CAMTA1: variants seen among roughly 807,000 people sequenced by gnomAD.
CAMTA1 encodes the protein calmodulin-binding transcription activator 1.
CAMTA1 carries 27 observed loss-of-function variants against 170.9 expected under a neutral mutation model. The ratio of observed to expected loss-of-function variants is 0.16; its 90% CI spans 0.12 to 0.22. The LOEUF is 0.22. Ranked by LOEUF, CAMTA1 falls within the 10% of genes least tolerant of loss-of-function variation. CAMTA1 has a pLI of 1.00. For synonymous variants in CAMTA1, 833 were observed against 891.5 expected, an observed-to-expected ratio of 0.93 and a Z score of 1.17; for missense variants, 1,619 against 2,217.2, an observed-to-expected ratio of 0.73 and a Z score of 5.42.
At chr1:7,210,855 A>G (rs1190592831) in intron 4 of CAMTA1, among the ~76,000 whole-genome samples, 1 of 152,194 alleles carries the variant, frequency 6.6e-6, no homozygotes, top group Non-Finnish European at 1.5e-5. Context: ...ATTAGGTTAT[A>G]TATTTGTCCA....
At chr1:7,594,086 A>G (rs922971515) in intron 6 of CAMTA1, among the ~76,000 whole-genome samples, 11 of 149,984 alleles carry the variant, frequency 7.3e-5, no homozygotes, top group African/African-American at 2.2e-4. Flanking sequence ...GGACAGAGAG[A>G]GAGAGAGAGG....
Position 7,681,922 on chromosome 1 carries a change from C to G in CAMTA1, c.2914+4189C>G, listed in dbSNP as rs1477313598. Among the ~76,000 whole-genome samples the G allele has an allele frequency of 6.6e-6, 1 of 152,164 alleles. No homozygotes were observed. The highest frequency in any genetic ancestry group is 1.5e-5 in the Non-Finnish European group (1 of 68,040). ...AGGTGAGCGGAATTTTTGTGTGCCT[C>G]TTTCTTGTCTTACAGCATCTGATTC... On this transcript the variant is annotated intron_variant, in intron 11 of 22. Transcript: ENST00000303635. The surrounding 1 kb of genome is among the most constrained non-coding windows in gnomAD (Gnocchi z 4.6).
intron 4 of CAMTA1, among the ~76,000 whole-genome samples, chr1:7,098,309 G>C (rs913696753): frequency 2.2e-4 from 33 of 152,258 alleles, no homozygotes; most frequent in Non-Finnish European, 3.2e-4. Flanking sequence ...ACTGAACCGG[G>C]AACGCACTTC....
intron 4 of CAMTA1, among the ~76,000 whole-genome samples, chr1:7,246,559 A>G (rs978898610): frequency 6.6e-6 from 1 of 151,840 alleles, no homozygotes; most frequent in African/African-American, 2.4e-5. Context: ...GAAGTGTGTT[A>G]AAGCCCTCCC....
chr1:7,708,495 CA>C (rs1034744435), intron 11 of CAMTA1, among the ~76,000 whole-genome samples: 1 of 151,588 alleles, frequency 6.6e-6, no homozygotes, highest in African/African-American at 2.4e-5. Flanking sequence ...GACCCTGATT[CA>C]AAAAAAAGAA....
chr1:7,194,259 A>G (rs948516325), intron 4 of CAMTA1, among the ~76,000 whole-genome samples: 25 of 152,308 alleles, frequency 1.6e-4, no homozygotes, highest in African/African-American at 6.0e-4. Flanking sequence ...GGTTTTAAAA[A>G]CAGCTCTGTC....
intron 3 of CAMTA1, among the ~76,000 whole-genome samples, chr1:7,035,695 A>G (rs1214505008): frequency 1.3e-5 from 2 of 152,260 alleles, no homozygotes; most frequent in African/African-American, 4.8e-5. Flanking sequence ...TCTCTTAAGG[A>G]TGCCCGAAGG....
intron 3 of CAMTA1, among the ~76,000 whole-genome samples, chr1:6,835,843 G>T (rs1158681010): frequency 3.9e-5 from 6 of 152,222 alleles, no homozygotes; most frequent in Admixed American, 3.3e-4. Flanking sequence ...TTTATCTGAA[G>T]TATCTGTTCA....
At chr1:7,469,932 G>A (rs977362759) in intron 6 of CAMTA1, among the ~76,000 whole-genome samples, 45 of 152,258 alleles carry the variant, frequency 3.0e-4, no homozygotes, top group East Asian at 1.9e-4. Context: ...CCTCACTGGC[G>A]CTCCTGTTTT....
At chr1:7,605,405 C>T (rs1051434830) in intron 6 of CAMTA1, among the ~76,000 whole-genome samples, 2 of 152,232 alleles carry the variant, frequency 1.3e-5, no homozygotes, top group African/African-American at 4.8e-5. Context: ...CCCCAAGCCT[C>T]GCTGCTGCCT....
At chr1:7,099,049 A>T (rs931630862) in intron 4 of CAMTA1, among the ~76,000 whole-genome samples, 4 of 147,486 alleles carry the variant, frequency 2.7e-5, no homozygotes, top group African/African-American at 1.0e-4. Flanking sequence ...CGCCACCCCC[A>T]TGCTTTTTAA....
At chr1:7,241,553 T>C (rs1280574229) in intron 4 of CAMTA1, among the ~76,000 whole-genome samples, 1 of 152,212 alleles carries the variant, frequency 6.6e-6, no homozygotes, top group East Asian at 1.9e-4. Context: ...CAAAACTTAT[T>C]ATAAAGCTGC....
intron 4 of CAMTA1, among the ~76,000 whole-genome samples, chr1:7,117,124 C>A (rs973108693): frequency 4.6e-5 from 7 of 151,996 alleles, no homozygotes; most frequent in Non-Finnish European, 8.8e-5. Context: ...GCGCCCGCCA[C>A]CATACCCAGC....
At chr1:7,369,971 C>T (rs1039902272) in intron 5 of CAMTA1, 1 of 152,280 alleles carries the variant, frequency 6.6e-6, no homozygotes, top group Non-Finnish European at 1.5e-5. Context: ...AGACTCTTCT[C>T]ACCCCGGGTC....
rs1557491128 is a variant in CAMTA1 at position 7,310,667 on chromosome 1, CTTTCCTT to C, written c.438+61043_438+61049del. On this transcript the variant is annotated intron_variant, in intron 5 of 22. Transcript: ENST00000303635. Reference sequence around the variant, plus strand: ...TTCTTTTTTCTTTCTTTCTTTCTTTCTTTCCTTTCTTTCTCTCTCTCTCTCTCTCTCT... The same window carrying C: ...TTCTTTTTTCTTTCTTTCTTTCTTTCTCTTTCTCTCTCTCTCTCTCTCTCT... Among the ~76,000 whole-genome samples the C allele has an allele frequency of 2.1e-4, 6 of 28,942 alleles. No homozygotes were observed. In the East Asian group the frequency reaches 2.4e-3, roughly 11 times the overall value. The allele number at this position is 28,942 out of a possible 152,430, so 19.0% of individuals were successfully genotyped here. A position where few individuals can be genotyped will look rare whatever the true frequency, so the allele number is the denominator to read the frequency against.
At position 7,007,702 on chromosome 1, in the gene CAMTA1, G is replaced by A. The variant is rs188922040; in HGVS notation, c.235-83602G>A. Among the ~76,000 whole-genome samples, 452 of 152,264 alleles carry A rather than the reference G, an allele frequency of 3.0e-3. 1 individual carries two copies. Among genetic ancestry groups the A allele is most frequent in the Middle Eastern group, 0.014 (4 of 294 alleles). On this transcript the variant is annotated intron_variant, in intron 3 of 22. Coordinates refer to ENST00000303635, the MANE Select transcript of CAMTA1 (RefSeq NM_015215.4). The surrounding 1 kb of genome is among the most constrained non-coding windows in gnomAD (Gnocchi z 4.5). ...AGCTCCTTCTGAAAGGACCCCCTGT[G>A]GGGCTCCCGGGGCGTCGCTTCTGCC...
At chr1:6,908,434 G>A (rs902554085) in intron 3 of CAMTA1, among the ~76,000 whole-genome samples, 6 of 152,194 alleles carry the variant, frequency 3.9e-5, no homozygotes, top group Non-Finnish European at 8.8e-5. Flanking sequence ...GAATATTCAA[G>A]AAGTATATTT....
intron 4 of CAMTA1, among the ~76,000 whole-genome samples, chr1:7,240,348 A>G (rs775365228): frequency 1.3e-5 from 2 of 152,110 alleles, no homozygotes; most frequent in African/African-American, 2.4e-5. Context: ...TTTCAAAATA[A>G]TGTATTGGGT....
chr1:7,398,193 C>CTCTATATATATA (rs1557651862), intron 5 of CAMTA1, among the ~76,000 whole-genome samples: 2 of 16,900 alleles, frequency 1.2e-4, no homozygotes, highest in Non-Finnish European at 2.2e-4. Context: ...CTCTCTCTCT[C>CTCTATATATATA]TATATATATA....
Sources: gnomAD v4.1 joint callset for allele counts (sites outside exome capture counted in the v4.1 genomes callset) on GRCh38, gnomAD v4.1.1 for gene constraint, Gnocchi (gnomAD v3.1) non-coding constraint, MANE v1.5 for transcripts, NCBI Gene and HGNC (gene_info 2026-07-23, HGNC 2026-07-21) for gene names.